IFT74: variants seen among roughly 807,000 people sequenced by gnomAD.
The protein encoded by IFT74 is intraflagellar transport 74, also known as intraflagellar transport protein 74 homolog.
Under a neutral mutation model 96.7 loss-of-function variants are expected in IFT74, and 92 were observed. The ratio of observed to expected loss-of-function variants is 0.95; its 90% CI spans 0.80 to 1.13. IFT74 has a LOEUF of 1.13. IFT74 is among the 50% of genes most tolerant of loss of function. The pLI is 0.00. For synonymous variants in IFT74, 223 were observed against 213.2 expected (o/e 1.05, Z -0.40); for missense variants, 811 against 698.2 (o/e 1.16, Z -1.82).
intron 10 of IFT74, among the ~76,000 whole-genome samples, chr9:27,012,263 C>T (rs749039112): frequency 2.0e-5 from 3 of 152,150 alleles, no homozygotes; most frequent in Non-Finnish European, 2.9e-5. Context: ...TTCTTTGTCA[C>T]TCAGGCTAGA....
chr9:26,995,155 A>G lies in IFT74; in HGVS notation c.587+4960A>G, dbSNP rs138461072. ...ATCCTAAACTTTTATTTCTTTACTG[A>G]TTGAAACATTAGTATAACTTAATAC... On this transcript the variant is annotated intron_variant, in intron 8 of 19. Coordinates refer to ENST00000380062, the MANE Select transcript of IFT74 (RefSeq NM_025103.4). 4.9e-3 allele frequency: 764 copies of G among 156,066 alleles called. 11 individuals carry two copies. The highest frequency in any genetic ancestry group is 0.018 in the African/African-American group (747 of 41,650). The allele number at this position is 156,066 out of a possible 1,614,324, so 9.7% of individuals were successfully genotyped here. A position where few individuals can be genotyped will look rare whatever the true frequency, so the allele number is the denominator to read the frequency against.
chr9:26,980,428 G>A, intron 3 of IFT74, 143 bp from the exon 4 acceptor site: 1 of 699,692 alleles, frequency 1.4e-6, no homozygotes, highest in Non-Finnish European at 2.6e-6. Flanking sequence ...TCTCTTTTCA[G>A]TTTCAGTGAT....
chr9:27,016,497 G>T (rs1829350157), intron 10 of IFT74, among the ~76,000 whole-genome samples: 1 of 152,128 alleles, frequency 6.6e-6, no homozygotes, highest in South Asian at 2.1e-4. Context: ...AAAATTGTGG[G>T]AAAATATATG....
Sources: allele counts gnomAD v4.1 joint callset (sites outside exome capture counted in the v4.1 genomes callset), GRCh38; gene constraint gnomAD v4.1.1; transcripts MANE v1.5; gene names NCBI Gene and HGNC (gene_info 2026-07-23, HGNC 2026-07-21).